VGLL4: variants seen among roughly 807,000 people sequenced by gnomAD.
VGLL4 encodes transcription cofactor vestigial-like protein 4.
A neutral mutation model predicts 21.0 loss-of-function variants in VGLL4; 7 were observed. The ratio of observed to expected loss-of-function variants is 0.33; its 90% confidence interval spans 0.19 to 0.63. VGLL4 has a LOEUF of 0.63. Ranked by LOEUF, VGLL4 falls within the 20% of genes least tolerant of loss-of-function variation. VGLL4 has a pLI of 0.78. For missense variants in VGLL4, 394 were observed against 425.7 expected, an observed-to-expected ratio of 0.93 and a Z score of 0.66; for synonymous variants, 222 against 173.2, an observed-to-expected ratio of 1.28 and a Z score of -2.21.
Position 11,558,472 on chromosome 3 carries a change from A to AGG in VGLL4, c.*83_*84insCC. The AGG allele has an allele frequency of 3.1e-6, 2 of 650,970 alleles. No individual in the cohort carries two copies. Among genetic ancestry groups the AGG allele is most frequent in the Non-Finnish European group, 2.1e-6 (1 of 468,394 alleles). The allele number at this position is 650,970 out of a possible 1,614,324, so 40.3% of individuals were successfully genotyped here. ...CTTCCCTTCCCCCCACCCCACCCCC[A>AGG]TGATTTTTTTTTTTTTAAGTACTGA... On this transcript the variant is annotated 3_prime_UTR_variant, in exon 5 of 5. Transcript: ENST00000430365.
intron 2 of VGLL4, among the ~76,000 whole-genome samples, chr3:11,663,485 G>C (rs745676278): frequency 6.6e-6 from 1 of 152,134 alleles, no homozygotes; most frequent in Middle Eastern, 3.2e-3. Context: ...TAGGGAGGCC[G>C]AGGCAGGCAA....
chr3:11,601,739 C>G, intron 2 of VGLL4, 94 bp downstream of exon 2: 5 of 1,352,014 alleles, frequency 3.7e-6, no homozygotes, highest in South Asian at 1.3e-5. Flanking sequence ...ATAAAGTATG[C>G]AAATGATAAC....
At chr3:11,567,689 G>T (rs552091224) in intron 2 of VGLL4, among the ~76,000 whole-genome samples, 1 of 152,174 alleles carries the variant, frequency 6.6e-6, no homozygotes, top group South Asian at 2.1e-4. Flanking sequence ...AAGACCTTCC[G>T]CGGAACGGAC....
intron 2 of VGLL4, among the ~76,000 whole-genome samples, chr3:11,673,175 G>A (rs1289387369): frequency 2.0e-5 from 3 of 152,156 alleles, no homozygotes; most frequent in Admixed American, 6.5e-5. Context: ...AGCTACTAAC[G>A]TGGAAGATAG....
chr3:11,636,715 T>C (rs1474076721), intron 1 of VGLL4, among the ~76,000 whole-genome samples: 1 of 152,190 alleles, frequency 6.6e-6, no homozygotes, highest in Non-Finnish European at 1.5e-5. Flanking sequence ...TCTCCAAAAC[T>C]GTGCAGAATT....
intron 1 of VGLL4, among the ~76,000 whole-genome samples, chr3:11,629,648 G>A (rs2075433811): frequency 6.6e-6 from 1 of 151,268 alleles, no homozygotes; most frequent in African/African-American, 2.4e-5. Context: ...TCGGGAGGCT[G>A]AGGTAGGAGA....
intron 2 of VGLL4, among the ~76,000 whole-genome samples, chr3:11,583,670 ACT>A (rs1273470512): frequency 6.6e-6 from 1 of 151,934 alleles, no homozygotes; most frequent in Admixed American, 6.6e-5. Flanking sequence ...CTGCAATCCC[ACT>A]CTCGTCACGA....
intron 1 of VGLL4, among the ~76,000 whole-genome samples, chr3:11,640,188 TGA>T (rs1428343418): frequency 1.3e-5 from 2 of 152,182 alleles, no homozygotes; most frequent in African/African-American, 4.8e-5. Context: ...GATTTTTTTT[TGA>T]GTCAGCCTTC....
At chr3:11,676,413 A>AAATAAT (rs1166202347) in intron 2 of VGLL4, among the ~76,000 whole-genome samples, 80 of 46,924 alleles carry the variant, frequency 1.7e-3, no homozygotes, top group South Asian at 5.9e-3. Flanking sequence ...AAAAAAAATA[A>AAATAAT]AATAATAATA....
At chr3:11,665,101 C>CTTTTCTTTTT (rs2076097523) in intron 2 of VGLL4, among the ~76,000 whole-genome samples, 1 of 96,950 alleles carries the variant, frequency 1.0e-5, no homozygotes, top group African/African-American at 4.9e-5. Flanking sequence ...GAATATTTTT[C>CTTTTCTTTTT]TTTTTTTTTT....
chr3:11,625,789 A>T (rs1245568997), intron 1 of VGLL4, among the ~76,000 whole-genome samples: 1 of 152,190 alleles, frequency 6.6e-6, no homozygotes, highest in African/African-American at 2.4e-5. Context: ...AAAGGAATGA[A>T]GTAACAAAAG....
At chr3:11,657,487 C>T (rs1384054032) in intron 2 of VGLL4, among the ~76,000 whole-genome samples, 1 of 150,690 alleles carries the variant, frequency 6.6e-6, no homozygotes, top group East Asian at 2.0e-4. Flanking sequence ...CATTTTCCTG[C>T]TGGTATGAAT....
intron 1 of VGLL4, among the ~76,000 whole-genome samples, chr3:11,612,348 C>G (rs538829000): frequency 1.3e-5 from 2 of 152,080 alleles, no homozygotes; most frequent in South Asian, 4.1e-4. Flanking sequence ...CTGCAACCTC[C>G]GTGGAATTGA....
intron 1 of VGLL4, among the ~76,000 whole-genome samples, chr3:11,624,605 G>T (rs1037812759): frequency 3.3e-5 from 5 of 151,940 alleles, no homozygotes; most frequent in African/African-American, 1.2e-4. Flanking sequence ...TCCCCATATG[G>T]AAAATAGCTA....
chr3:11,694,337 G>C (rs950250457), intron 2 of VGLL4, among the ~76,000 whole-genome samples: 1 of 152,108 alleles, frequency 6.6e-6, no homozygotes, highest in African/African-American at 2.4e-5. Context: ...AATGAAAAAA[G>C]GGGTCAGGCG....
intron 1 of VGLL4, among the ~76,000 whole-genome samples, chr3:11,712,150 C>T (rs1412517424): frequency 6.6e-6 from 1 of 152,170 alleles, no homozygotes; most frequent in Non-Finnish European, 1.5e-5. Flanking sequence ...AGAGCCAGGA[C>T]TTTAGCATCA....
intron 2 of VGLL4, among the ~76,000 whole-genome samples, chr3:11,696,507 G>C (rs1184780614): frequency 6.6e-6 from 1 of 152,184 alleles, no homozygotes; most frequent in Admixed American, 6.5e-5. Flanking sequence ...CCACGTGGCA[G>C]TCAGATCATC....
intron 1 of VGLL4, among the ~76,000 whole-genome samples, chr3:11,715,856 G>A (rs934720403): frequency 1.3e-5 from 2 of 152,050 alleles, no homozygotes; most frequent in Admixed American, 6.6e-5. Flanking sequence ...TGAACTCAAG[G>A]CCAACAGCAC....
At chr3:11,713,568 T>A (rs966532229) in intron 1 of VGLL4, among the ~76,000 whole-genome samples, 185 of 140,308 alleles carry the variant, frequency 1.3e-3, no homozygotes, top group Admixed American at 4.8e-3. Context: ...TATATATTAT[T>A]TATATATATA....
Sources: gnomAD v4.1 joint callset for allele counts (sites outside exome capture counted in the v4.1 genomes callset) on GRCh38, gnomAD v4.1.1 for gene constraint, MANE v1.5 for transcripts, NCBI Gene and HGNC (gene_info 2026-07-23, HGNC 2026-07-21) for gene names.